COL1A1: variants seen among roughly 807,000 people sequenced by gnomAD.
COL1A1 encodes collagen type I alpha 1 chain.
In COL1A1, 21 loss-of-function variants were observed where a neutral mutation model predicts 195.7. The ratio of observed to expected loss-of-function variants is 0.11; its 90% CI spans 0.08 to 0.15. The LOEUF (loss-of-function observed/expected upper bound fraction) is 0.15, where lower values mean the gene tolerates loss of function less well. Ranked by LOEUF, COL1A1 falls within the 10% of genes least tolerant of loss-of-function variation. The pLI, the probability that COL1A1 is intolerant of heterozygous loss-of-function variation, is 1.00. For missense variants in COL1A1, 1,365 were observed against 2,051.0 expected, an observed-to-expected ratio of 0.67 and a Z score of 6.46; for synonymous variants, 749 against 747.3, an observed-to-expected ratio of 1.00 and a Z score of -0.04.
At position 50,192,974 on chromosome 17, in the gene COL1A1, G is replaced by A. The variant is rs761021713; in HGVS notation, c.1821+20C>T. The A allele has an allele frequency of 5.6e-6, 9 of 1,613,578 alleles. No homozygotes were observed. In the East Asian group the frequency reaches 1.6e-4, roughly 28 times the overall value. On this transcript the variant is annotated intron_variant, in intron 26 of 50. Coordinates refer to ENST00000225964, the MANE Select transcript of COL1A1 (RefSeq NM_000088.4). ...GGGGCAGCAATGGGAAGGAGGTAGG[G>A]ATGGAAAGGAGATACTTACGACAGC... is the stretch of plus-strand genomic sequence containing the variant.
chr17:50,192,768 C>A, intron 27 of COL1A1, 29 bp downstream of exon 27: 2 of 1,613,948 alleles, frequency 1.2e-6, no homozygotes, highest in Non-Finnish European at 1.7e-6. Flanking sequence ...CTTTTCTGCT[C>A]CCCAGATCTC....
Position 50,190,122 on chromosome 17 carries a change from C to G in COL1A1, c.2452-14G>C. ...GCCGTCAGCACCCTGGGGGAGGAAGCAGGGCGGTGAATGGAGGGAAGGAGG... is the reference window on the plus strand; with the variant it reads ...GCCGTCAGCACCCTGGGGGAGGAAGGAGGGCGGTGAATGGAGGGAAGGAGG... On this transcript the variant is annotated splice_polypyrimidine_tract_variant and intron_variant, in intron 35 of 50. Transcript: ENST00000225964. The surrounding 1 kb of genome is among the most constrained non-coding windows in gnomAD (Gnocchi z 4.7). 6.2e-7 allele frequency: 1 copy of G among 1,610,694 alleles called. No individual in the cohort carries two copies.
Position 50,185,822 on chromosome 17 carries a change from C to T in COL1A1, c.4204G>A (p.Gly1402Ser). Residue 1402 changes from glycine to serine, a missense_variant, in exon 50 of 51, where the codon GGC becomes AGC. Coordinates refer to ENST00000225964, the MANE Select transcript of COL1A1 (RefSeq NM_000088.4). Reference protein sequence around the residue: ...GSNEIEIRAEGNSRFTYSVTV... With the variant: ...GSNEIEIRAESNSRFTYSVTV... The stretch of plus-strand genomic sequence containing the variant: ...ACGCTGTAGGTGAAGCGGCTGTTGC[C>T]CTCGGCGCGGATCTCGATCTCGTTG... The T allele has an allele frequency of 6.2e-7, 1 of 1,614,090 alleles. No individual in the cohort carries two copies. The highest frequency in any genetic ancestry group is 8.5e-7 in the Non-Finnish European group (1 of 1,180,030).
At chr17:50,191,032 C>T in intron 32 of COL1A1, 108 bp from the exon 33 acceptor site, 2 of 1,046,244 alleles carry the variant, frequency 1.9e-6, no homozygotes, top group Non-Finnish European at 2.9e-6. Context: ...CTCTGCCCTG[C>T]CTCCACCTGG....
rs1372114263 is a variant in COL1A1 at position 50,188,423 on chromosome 17, T to C, written c.3207+107A>G. The C allele has an allele frequency of 1.7e-6, 2 of 1,163,956 alleles. No individual in the cohort carries two copies. The highest frequency in any genetic ancestry group is 4.7e-5 in the East Asian group (2 of 42,774). The allele number at this position is 1,163,956 out of a possible 1,614,324, so 72.1% of individuals were successfully genotyped here. A position where few individuals can be genotyped will look rare whatever the true frequency, so the allele number is the denominator to read the frequency against. On this transcript the variant is annotated intron_variant, in intron 43 of 50. Coordinates refer to ENST00000225964, the MANE Select transcript of COL1A1 (RefSeq NM_000088.4). The surrounding 1 kb of genome is among the most constrained non-coding windows in gnomAD (Gnocchi z 5.6). Reference sequence around the variant, plus strand: ...CCCTGACATCTTGCAGGATCTCCTTTCCTCCCCCTGCCTGGGTGAAGTCCG... The same window carrying C: ...CCCTGACATCTTGCAGGATCTCCTTCCCTCCCCCTGCCTGGGTGAAGTCCG...
chr17:50,185,885 T>C lies in COL1A1; in HGVS notation c.4141A>G (p.Thr1381Ala), dbSNP rs756188663. 49 of 1,614,106 alleles carry C rather than the reference T, an allele frequency of 3.0e-5. No individual in the cohort carries two copies. Among genetic ancestry groups the C allele is most frequent in the Non-Finnish European group, 4.2e-5 (49 of 1,180,022 alleles). The change falls in exon 50 of 51, where the codon ACT becomes GCT. Residue 1381 changes from threonine to alanine, a missense_variant. Transcript: ENST00000225964. ...KNSVAYMDQQ[T>A]GNLKKALLLQ... is the part of the protein sequence containing the mutation. ...AGCAGGGCCTTCTTGAGGTTGCCAGTCTGCTGGTCCATGTAGGCCACGCTG... is the reference window on the plus strand; with the variant it reads ...AGCAGGGCCTTCTTGAGGTTGCCAGCCTGCTGGTCCATGTAGGCCACGCTG...
At chr17:50,197,838 A>G in intron 8 of COL1A1, 53 bp from the exon 9 acceptor site, 2 of 1,595,104 alleles carry the variant, frequency 1.3e-6, no homozygotes, top group South Asian at 1.1e-5. Flanking sequence ...AAAGAAGGGG[A>G]AGGCTGGGAT....
Position 50,188,651 on chromosome 17 carries a change from C to G in COL1A1, c.3100-14G>C, listed in dbSNP as rs370574815. ...ACCACGGTCACCCTGGCGGGGAGAGCAGGGGAATATGGGTCAGCCCCGGGT... is the reference window on the plus strand; with the variant it reads ...ACCACGGTCACCCTGGCGGGGAGAGGAGGGGAATATGGGTCAGCCCCGGGT... On this transcript the variant is annotated splice_polypyrimidine_tract_variant and intron_variant, in intron 42 of 50. Coordinates refer to ENST00000225964, the MANE Select transcript of COL1A1 (RefSeq NM_000088.4). This position sits in a 1 kb window ranked among gnomAD's most constrained non-coding sequence, Gnocchi z 5.6. 7 of 1,613,318 alleles carry G rather than the reference C, an allele frequency of 4.3e-6. No individual in the cohort carries two copies. The highest frequency in any genetic ancestry group is 5.9e-6 in the Non-Finnish European group (7 of 1,179,684).
chr17:50,195,005 C>A lies in COL1A1; in HGVS notation c.1353+42G>T. On this transcript the variant is annotated intron_variant, in intron 20 of 50. Transcript: ENST00000225964. This position sits in a 1 kb window ranked among gnomAD's most constrained non-coding sequence, Gnocchi z 4.3. ...GATTTCCCTCAGGGGGCTCCTAGGG[C>A]AGGGTGGGCTGGGCTGCAAGAAGGA... The A allele has an allele frequency of 6.3e-7, 1 of 1,598,882 alleles. No individual in the cohort carries two copies. The highest frequency in any genetic ancestry group is 1.1e-5 in the South Asian group (1 of 90,786).
rs1469725161 is a variant in COL1A1, at chr17:50,188,355, G to C, written c.3207+175C>G. ...GGGAGAGGCGGTCCTGTCTGGGAGA[G>C]GGGACTTGGGGCTGAGCTTTAACTC... On this transcript the variant is annotated intron_variant, in intron 43 of 50. Transcript: ENST00000225964. This position sits in a 1 kb window ranked among gnomAD's most constrained non-coding sequence, Gnocchi z 5.6. 4 of 810,284 alleles carry C rather than the reference G, an allele frequency of 4.9e-6. No individual in the cohort carries two copies. The highest frequency in any genetic ancestry group is 3.5e-5 in the South Asian group (2 of 57,636). The allele number at this position is 810,284 out of a possible 1,614,324, so 50.2% of individuals were successfully genotyped here. A position where few individuals can be genotyped will look rare whatever the true frequency, so the allele number is the denominator to read the frequency against.
rs370384784 is a variant in COL1A1, at chr17:50,193,000, G to T, written c.1815C>A (p.Gly605=). Residue 605 remains glycine (G), a synonymous_variant, in exon 26 of 51, where the codon GGC becomes GGA. Coordinates refer to ENST00000225964, the MANE Select transcript of COL1A1 (RefSeq NM_000088.4). The part of the protein sequence containing the change: ...AGERGVPGPP[G]AVGPAGKDGE... ...ATGGAAAGGAGATACTTACGACAGC[G>T]CCAGGGGGTCCGGGAACACCTCGCT... 9.3e-6 allele frequency: 15 copies of T among 1,614,004 alleles called. No homozygotes were observed. The highest frequency in any genetic ancestry group is 1.3e-5 in the Non-Finnish European group (15 of 1,180,022).
intron 11 of COL1A1, 95 bp downstream of exon 11, chr17:50,196,915 C>G: frequency 7.0e-7 from 1 of 1,427,156 alleles, no homozygotes; most frequent in South Asian, 1.2e-5. Context: ...TGCCACCCAC[C>G]ATGATGCAAC....
chr17:50,189,290 C>A lies in COL1A1; in HGVS notation c.2830-15G>T. On this transcript the variant is annotated splice_polypyrimidine_tract_variant and intron_variant, in intron 39 of 50. Coordinates refer to ENST00000225964, the MANE Select transcript of COL1A1 (RefSeq NM_000088.4). This position sits in a 1 kb window ranked among gnomAD's most constrained non-coding sequence, Gnocchi z 5.5. ...CCAGGAGCACCCTTTGGGAGGCAAA[C>A]AGGGGTGAGGTGCCAGAGAGCAGCA... is the stretch of plus-strand genomic sequence containing the variant. 6.2e-7 allele frequency: 1 copy of A among 1,613,952 alleles called. No homozygotes were observed. Among genetic ancestry groups the A allele is most frequent in the Non-Finnish European group, 8.5e-7 (1 of 1,179,948 alleles).
Position 50,186,476 on chromosome 17 carries a change from G to A in COL1A1, c.3846C>T (p.Cys1282=), listed in dbSNP as rs772750234. ...GEYWIDPNQG[C]NLDAIKVFCN... The stretch of plus-strand genomic sequence containing the variant: ...AGAAGACTTTGATGGCATCCAGGTT[G>A]CAGCCTTGGTTGGGGTCAATCCAGT... The change falls in exon 49 of 51, where the codon TGC becomes TGT. Residue 1282 remains cysteine (C), a synonymous_variant. Transcript: ENST00000225964. The surrounding 1 kb of genome is among the most constrained non-coding windows in gnomAD (Gnocchi z 5.3). 94 of 1,614,086 alleles carry A rather than the reference G, an allele frequency of 5.8e-5. No individual in the cohort carries two copies. Among genetic ancestry groups the A allele is most frequent in the Non-Finnish European group, 7.7e-5 (91 of 1,180,050 alleles).
rs17639446 is a variant in COL1A1 at position 50,196,542 on chromosome 17, A to C, written c.859-14T>G. The C allele has an allele frequency of 0.1, 164,701 of 1,614,024 alleles. 9,749 individuals carry two copies. The highest frequency in any genetic ancestry group is 0.15 in the Middle Eastern group (908 of 6,060). On this transcript the variant is annotated splice_polypyrimidine_tract_variant and intron_variant, in intron 12 of 50. Coordinates refer to ENST00000225964, the MANE Select transcript of COL1A1 (RefSeq NM_000088.4). ...GCCAGGCTCACCCTGTAGATCAGAG[A>C]ATAATGAGTGAGAAATTCATTCATG...
Position 50,185,342 on chromosome 17 carries a change from G to A in COL1A1, c.*160C>T. 1.6e-6 allele frequency: 1 copy of A among 609,290 alleles called. No individual in the cohort carries two copies. Among genetic ancestry groups the A allele is most frequent in the South Asian group, 1.7e-5 (1 of 59,504 alleles). The allele number at this position is 609,290 out of a possible 1,614,324, so 37.7% of individuals were successfully genotyped here. ...TTGGTCAAAGATAAAAACTAAGTTTGAGAGATGAATGCAAAGGAAAAAAAT... is the reference window on the plus strand; with the variant it reads ...TTGGTCAAAGATAAAAACTAAGTTTAAGAGATGAATGCAAAGGAAAAAAAT... On this transcript the variant is annotated 3_prime_UTR_variant, in exon 51 of 51. Transcript: ENST00000225964.
intron 46 of COL1A1, 152 bp downstream of exon 46, chr17:50,187,332 G>T: frequency 1.1e-6 from 1 of 875,568 alleles, no homozygotes; most frequent in Non-Finnish European, 1.8e-6. Flanking sequence ...AGCTAGATCA[G>T]ATTGTTTGTT....
rs151114560 is a variant in COL1A1 at position 50,191,192 on chromosome 17, C to T, written c.2235+191G>A. Among the ~76,000 whole-genome samples the T allele has an allele frequency of 3.4e-4, 51 of 152,172 alleles. No individual in the cohort carries two copies. The East Asian group carries it at 9.3e-3, about 28-fold the overall frequency. On this transcript the variant is annotated intron_variant, in intron 32 of 50. Transcript: ENST00000225964. ...CCCCACCTCTCATCACCATGGTAAC[C>T]CATGGGGATAGATGGGCCTGGACCA...
chr17:50,195,255 G>A lies in COL1A1; in HGVS notation c.1276C>T (p.Pro426Ser), dbSNP rs761653253. The change falls in exon 19 of 51, where the codon CCT becomes TCT. Residue 426 changes from proline to serine, a missense_variant. Around this residue, in one of 5 missense-constraint regions of COL1A1, gnomAD observed 226 missense variants for 372.9 expected, o/e 0.61. Coordinates refer to ENST00000225964, the MANE Select transcript of COL1A1 (RefSeq NM_000088.4). This position sits in a 1 kb window ranked among gnomAD's most constrained non-coding sequence, Gnocchi z 4.3. ...ACGCTGTTACCCTTGGGACCAGGAGGGCCGCCGGGGCCCTGGGGTCCAGAG... is the reference window on the plus strand; with the variant it reads ...ACGCTGTTACCCTTGGGACCAGGAGAGCCGCCGGGGCCCTGGGGTCCAGAG... ...GPSGPQGPGG[P>S]PGPKGNSGEP... 6.2e-7 allele frequency: 1 copy of A among 1,613,234 alleles called. No homozygotes were observed. The highest frequency in any genetic ancestry group is 8.5e-7 in the Non-Finnish European group (1 of 1,179,580).
Sources: allele counts gnomAD v4.1 joint callset (sites outside exome capture counted in the v4.1 genomes callset), GRCh38; gene constraint gnomAD v4.1.1; regional missense constraint gnomAD v4.1.1; non-coding constraint Gnocchi (gnomAD v3.1); transcripts MANE v1.5; gene names NCBI Gene and HGNC (gene_info 2026-07-23, HGNC 2026-07-21).